Variants in GRIA3 observed in about 807,000 individuals in gnomAD.
GRIA3 encodes glutamate receptor 3.
A neutral mutation model predicts 63.0 loss-of-function variants in GRIA3; 3 were observed. The observed-to-expected ratio is 0.05, with a 90% CI of 0.02 to 0.12. The LOEUF (loss-of-function observed/expected upper bound fraction) is 0.12, where lower values mean the gene tolerates loss of function less well. Ranked by LOEUF, GRIA3 falls within the 10% of genes least tolerant of loss-of-function variation. GRIA3 has a pLI of 1.00. For missense variants in GRIA3, 347 were observed against 700.9 expected (o/e 0.50, Z 5.70); for synonymous variants, 274 against 257.9 (o/e 1.06, Z -0.60).
chrX:123,355,801 T>C lies in GRIA3; in HGVS notation c.750+838T>C, dbSNP rs1322868436. Reference sequence around the variant, plus strand: ...GAATAGAAACAAAGGTGAAAGATTATTGTAATTATATTCTTATATTTTTTA... The same window carrying C: ...GAATAGAAACAAAGGTGAAAGATTACTGTAATTATATTCTTATATTTTTTA... On this transcript the variant is annotated intron_variant, in intron 5 of 15. Transcript: ENST00000620443. Among the ~76,000 whole-genome samples the C allele has an allele frequency of 2.7e-5, 3 of 112,312 alleles. No individual in the cohort carries two copies. The South Asian group carries it at 1.1e-3, about 41-fold the overall frequency.
At chrX:123,247,651 T>C (rs897221077) in intron 2 of GRIA3, among the ~76,000 whole-genome samples, 16 of 111,444 alleles carry the variant, frequency 1.4e-4, no homozygotes, top group African/African-American at 4.6e-4. Flanking sequence ...AAAGGCATTA[T>C]ATAGGGAGGG....
intron 5 of GRIA3, among the ~76,000 whole-genome samples, chrX:123,358,072 CAGAG>C (rs767778687): frequency 9.3e-6 from 1 of 107,701 alleles, no homozygotes; most frequent in African/African-American, 3.4e-5. Flanking sequence ...CAAAGACAGA[CAGAG>C]AGAGAGAGAG....
At position 123,424,105 on chromosome X, in the gene GRIA3, A is replaced by G. The variant is rs528461415; in HGVS notation, c.1878-3836A>G. On this transcript the variant is annotated intron_variant, in intron 11 of 15. Transcript: ENST00000620443. ...AGCCATTTCATTACGCTAACCTTGA[A>G]ATCTGTCTTGTGCAACAAAACTATT... is the stretch of plus-strand genomic sequence containing the variant. Among the ~76,000 whole-genome samples, 3 of 112,236 alleles carry G rather than the reference A, an allele frequency of 2.7e-5. No individual in the cohort carries two copies. The South Asian group carries it at 1.1e-3, about 41-fold the overall frequency.
In GRIA3 at chrX:123,490,468, G is replaced by A. The variant is rs2045962976; in HGVS notation, c.*1758G>A. 8.9e-6 allele frequency: 1 copy of A among 112,489 alleles called. No individual in the cohort carries two copies. Among genetic ancestry groups the A allele is most frequent in the South Asian group, 3.7e-4 (1 of 2,707 alleles). 9.3% of individuals were successfully genotyped at this position (112,489 alleles called of 1,213,427 possible). ...ATGCTATAATGTCCCAGCGCGGGAA[G>A]CTCACGCTGTGTGAACATGAAGTTG... On this transcript the variant is annotated 3_prime_UTR_variant, in exon 16 of 16. Transcript: ENST00000620443.
rs1476911223 is a variant in GRIA3 at position 123,200,594 on chromosome X, CACACACACATACAT to C, written c.268+14614_268+14627del. Among the ~76,000 whole-genome samples the C allele has an allele frequency of 8.6e-3, 736 of 86,012 alleles. 3 individuals are homozygous for C. Among genetic ancestry groups the C allele is most frequent in the Middle Eastern group, 0.02 (3 of 152 alleles). 74.7% of individuals were successfully genotyped at this position (86,012 alleles called of 115,157 possible). ...ATGAGCCCATATATATACATATACA[CACACACACATACAT>C]ACACACACACACACACACACACACA... On this transcript the variant is annotated intron_variant, in intron 2 of 15. Transcript: ENST00000620443.
At chrX:123,221,975 C>T (rs1455915179) in intron 2 of GRIA3, among the ~76,000 whole-genome samples, 1 of 111,631 alleles carries the variant, frequency 9.0e-6, no homozygotes, top group African/African-American at 3.3e-5. Context: ...AAGCGCCCCT[C>T]ACAATGACCA....
intron 3 of GRIA3, among the ~76,000 whole-genome samples, chrX:123,307,775 C>T (rs936160762): frequency 1.8e-5 from 2 of 111,076 alleles, no homozygotes; most frequent in East Asian, 2.8e-4. Context: ...GCTGTAGTCT[C>T]GGTGCCAAGA....
intron 2 of GRIA3, among the ~76,000 whole-genome samples, chrX:123,241,992 G>GA (rs2044332439): frequency 9.0e-6 from 1 of 111,214 alleles, no homozygotes. Flanking sequence ...TTCAAGAGGG[G>GA]ATGGACCCAC....
At chrX:123,235,440 A>G (rs2147272585) in intron 2 of GRIA3, among the ~76,000 whole-genome samples, 1 of 111,999 alleles carries the variant, frequency 8.9e-6, no homozygotes, top group Non-Finnish European at 1.9e-5. Context: ...TCAGAGAAAA[A>G]GCACAATAAA....
chrX:123,200,147 C>G (rs1220144375), intron 2 of GRIA3, among the ~76,000 whole-genome samples: 1 of 110,844 alleles, frequency 9.0e-6, no homozygotes, highest in African/African-American at 3.3e-5. Flanking sequence ...CTCTTTTTCT[C>G]TAATTGTCTA....
intron 3 of GRIA3, among the ~76,000 whole-genome samples, chrX:123,294,609 C>T (rs1711864830): frequency 9.0e-6 from 1 of 110,854 alleles, no homozygotes; most frequent in East Asian, 2.8e-4. Flanking sequence ...CCAAAAGAGA[C>T]TCCCTTTCAA....
chrX:123,336,290 T>C (rs1432074062), intron 4 of GRIA3, among the ~76,000 whole-genome samples: 1 of 112,363 alleles, frequency 8.9e-6, no homozygotes, highest in Non-Finnish European at 1.9e-5. Flanking sequence ...CAAGGGACAT[T>C]AATTGATCCG....
At chrX:123,241,465 GTTTTGTTTTGTTTTA>G (rs771015045) in intron 2 of GRIA3, among the ~76,000 whole-genome samples, 4 of 110,408 alleles carry the variant, frequency 3.6e-5, no homozygotes, top group Non-Finnish European at 5.7e-5. Flanking sequence ...TGTTGTTGTG[GTTTTGTTTTGTTTTA>G]TTTTGTTTTG....
chrX:123,396,214 T>TAATAATAATAATAAG (rs2045412471), intron 6 of GRIA3, among the ~76,000 whole-genome samples: 1 of 102,385 alleles, frequency 9.8e-6, no homozygotes, highest in Admixed American at 1.1e-4. Context: ...ATAATAATAA[T>TAATAATAATAATAAG]AATAATAATA....
intron 2 of GRIA3, among the ~76,000 whole-genome samples, chrX:123,234,824 G>A (rs1028081578): frequency 4.5e-5 from 5 of 111,615 alleles, no homozygotes; most frequent in African/African-American, 1.6e-4. Flanking sequence ...AAGGCAAGAG[G>A]GTGCAAATGA....
chrX:123,380,167 G>C (rs924782192), intron 5 of GRIA3, among the ~76,000 whole-genome samples: 2 of 111,286 alleles, frequency 1.8e-5, no homozygotes, highest in Non-Finnish European at 3.8e-5. Context: ...CCAGTAATGG[G>C]ATGGCTGGGT....
intron 3 of GRIA3, among the ~76,000 whole-genome samples, chrX:123,271,504 C>T (rs912773236): frequency 6.3e-5 from 7 of 111,750 alleles, no homozygotes; most frequent in Non-Finnish European, 1.3e-4. Flanking sequence ...AACACCCAGT[C>T]CAAAAATCTT....
At chrX:123,302,376 A>G (rs1215858620) in intron 3 of GRIA3, among the ~76,000 whole-genome samples, 1 of 111,810 alleles carries the variant, frequency 8.9e-6, no homozygotes, top group Non-Finnish European at 1.9e-5. Flanking sequence ...TCCAATTCCA[A>G]TATAGTCTTT....
chrX:123,186,337 C>T (rs538420653), intron 2 of GRIA3, among the ~76,000 whole-genome samples: 1 of 110,764 alleles, frequency 9.0e-6, no homozygotes, highest in African/African-American at 3.3e-5. Context: ...AAAAATAGCA[C>T]GGTTGTTCAG....
Sources: gnomAD v4.1 joint callset for allele counts (sites outside exome capture counted in the v4.1 genomes callset) on GRCh38, gnomAD v4.1.1 for gene constraint, MANE v1.5 for transcripts, NCBI Gene and HGNC (gene_info 2026-07-23, HGNC 2026-07-21) for gene names.